SNX29: variants seen among roughly 807,000 people sequenced by gnomAD.
SNX29 encodes the protein sorting nexin 29, also known as sorting nexin-29.
SNX29 carries 78 observed loss-of-function variants against 102.1 expected under a neutral mutation model. That is an observed-to-expected ratio of 0.76 (90% CI 0.64 to 0.92). The LOEUF (loss-of-function observed/expected upper bound fraction) is 0.92. Among genes scored for constraint, SNX29 ranks in the 40% least tolerant of loss-of-function variants. The pLI is 0.00. For synonymous variants in SNX29, 580 were observed against 414.5 expected, an observed-to-expected ratio of 1.40 and a Z score of -4.85; for missense variants, 1,280 against 1,061.7, an observed-to-expected ratio of 1.21 and a Z score of -2.86.
intron 13 of SNX29, among the ~76,000 whole-genome samples, chr16:12,157,524 C>A (rs1316971536): frequency 6.6e-6 from 1 of 152,176 alleles, no homozygotes; most frequent in Non-Finnish European, 1.5e-5. Flanking sequence ...CAGTATTATC[C>A]TTTTACCTCA....
rs1037896724 is a variant in SNX29, at chr16:12,555,539, G to A, written c.2319-12967G>A. 1.1e-4 allele frequency among the ~76,000 whole-genome samples: 17 copies of A among 151,228 alleles called. No homozygotes were observed. In the South Asian group the frequency reaches 2.3e-3, roughly 21 times the overall value. ...GGACAGCGCCCCTGCTCTCTGGGAG[G>A]TCATACCGTGGGTTTGAGCACCCTC... On this transcript the variant is annotated intron_variant, in intron 20 of 20. Coordinates refer to ENST00000566228, the MANE Select transcript of SNX29 (RefSeq NM_032167.5).
At chr16:12,018,960 TG>T (rs1246782731) in intron 3 of SNX29, among the ~76,000 whole-genome samples, 3 of 151,232 alleles carry the variant, frequency 2.0e-5, no homozygotes, top group African/African-American at 7.3e-5. Flanking sequence ...TTTGTAGATC[TG>T]TTTTTTTTTA....
intron 18 of SNX29, among the ~76,000 whole-genome samples, chr16:12,425,320 T>C (rs1268215693): frequency 1.3e-5 from 2 of 148,916 alleles, no homozygotes; most frequent in East Asian, 3.9e-4. Context: ...GTTAAGCAAA[T>C]TGAAACTGTG....
intron 18 of SNX29, among the ~76,000 whole-genome samples, chr16:12,454,468 T>C (rs1223217558): frequency 6.6e-6 from 1 of 152,180 alleles, no homozygotes; most frequent in East Asian, 1.9e-4. Context: ...CCCAGAACTC[T>C]AGAGGTGACA....
At chr16:12,465,656 C>G (rs187819299) in intron 18 of SNX29, among the ~76,000 whole-genome samples, 7 of 152,160 alleles carry the variant, frequency 4.6e-5, no homozygotes, top group Admixed American at 3.9e-4. Context: ...CAGCTTTGTT[C>G]TTTCTCAATA....
chr16:12,162,770 T>C (rs1241103761), intron 13 of SNX29, among the ~76,000 whole-genome samples: 2 of 152,208 alleles, frequency 1.3e-5, no homozygotes, highest in African/African-American at 4.8e-5. Context: ...GTAGTAACTG[T>C]TCCCTGAATG....
At chr16:12,264,454 G>A (rs2078867271) in intron 14 of SNX29, among the ~76,000 whole-genome samples, 1 of 152,194 alleles carries the variant, frequency 6.6e-6, no homozygotes, top group Non-Finnish European at 1.5e-5. Flanking sequence ...AGAATGAATT[G>A]CAGAAGTCAC....
At chr16:12,218,278 G>A (rs935611665) in intron 14 of SNX29, among the ~76,000 whole-genome samples, 2 of 152,048 alleles carry the variant, frequency 1.3e-5, no homozygotes, top group African/African-American at 4.8e-5. Context: ...AATCTCTCCC[G>A]ATGCTACCCT....
At chr16:12,388,838 AGTGTT>A (rs770478117) in intron 16 of SNX29, among the ~76,000 whole-genome samples, 26 of 152,188 alleles carry the variant, frequency 1.7e-4, no homozygotes, top group Non-Finnish European at 3.5e-4. Context: ...ACTTGCACGT[AGTGTT>A]GGTAAGGGAT....
chr16:12,005,204 C>T lies in SNX29; in HGVS notation c.122+2161C>T, dbSNP rs189471114. Among the ~76,000 whole-genome samples, 218 of 152,300 alleles carry T rather than the reference C, an allele frequency of 1.4e-3. No homozygotes were observed. In the Middle Eastern group the frequency reaches 0.017, roughly 12 times the overall value. ...TATATGTTTGTGGCATTAGATCATT[C>T]GACTGATTGATCAATTTAGTCCTTC... On this transcript the variant is annotated intron_variant, in intron 3 of 20. Coordinates refer to ENST00000566228, the MANE Select transcript of SNX29 (RefSeq NM_032167.5).
chr16:12,300,828 C>G (rs2080149006), intron 15 of SNX29, among the ~76,000 whole-genome samples: 2 of 152,158 alleles, frequency 1.3e-5, no homozygotes, highest in Non-Finnish European at 2.9e-5. Context: ...TGTTTAGTGA[C>G]ATTGCCCCAC....
chr16:12,558,747 C>G (rs1278265607), intron 20 of SNX29, among the ~76,000 whole-genome samples: 3 of 152,238 alleles, frequency 2.0e-5, no homozygotes, highest in Non-Finnish European at 4.4e-5. Flanking sequence ...TAGGCTGTCC[C>G]AGGCCCATTG....
intron 20 of SNX29, among the ~76,000 whole-genome samples, chr16:12,539,572 CAA>C (rs995079853): frequency 2.6e-5 from 4 of 152,132 alleles, no homozygotes; most frequent in Admixed American, 1.3e-4. Flanking sequence ...TTTGTGTGAA[CAA>C]AAGTTTTCAT....
At chr16:12,206,589 G>T (rs1245270268) in intron 14 of SNX29, among the ~76,000 whole-genome samples, 1 of 152,140 alleles carries the variant, frequency 6.6e-6, no homozygotes, top group African/African-American at 2.4e-5. Flanking sequence ...TTCTCAGCCA[G>T]GTGTTCTCCT....
At chr16:12,390,800 A>T (rs562079092) in intron 16 of SNX29, among the ~76,000 whole-genome samples, 1 of 152,058 alleles carries the variant, frequency 6.6e-6, no homozygotes, top group East Asian at 1.9e-4. Context: ...AGTAAGGCCC[A>T]GAGAAGTGGA....
chr16:12,518,260 T>C (rs2089951745), intron 19 of SNX29, among the ~76,000 whole-genome samples: 1 of 152,136 alleles, frequency 6.6e-6, no homozygotes, highest in African/African-American at 2.4e-5. Flanking sequence ...GCCTCCCACC[T>C]CCCGTTGGCT....
At chr16:12,174,101 G>T (rs2076209104) in intron 13 of SNX29, among the ~76,000 whole-genome samples, 2 of 152,130 alleles carry the variant, frequency 1.3e-5, no homozygotes, top group Non-Finnish European at 2.9e-5. Flanking sequence ...TCTTATTAGT[G>T]GTTCTGCAGA....
intron 14 of SNX29, among the ~76,000 whole-genome samples, chr16:12,254,292 G>C (rs1046032272): frequency 6.6e-6 from 1 of 152,144 alleles, no homozygotes; most frequent in African/African-American, 2.4e-5. Flanking sequence ...GTGTAGGTGG[G>C]CCAGGACTGA....
At chr16:12,239,569 T>C (rs1412992173) in intron 14 of SNX29, among the ~76,000 whole-genome samples, 2 of 142,380 alleles carry the variant, frequency 1.4e-5, no homozygotes, top group Non-Finnish European at 3.0e-5. Context: ...GGCTCACTCC[T>C]GTAATCCCAG....
Sources: gnomAD v4.1 joint callset for allele counts (sites outside exome capture counted in the v4.1 genomes callset) on GRCh38, gnomAD v4.1.1 for gene constraint, MANE v1.5 for transcripts, NCBI Gene and HGNC (gene_info 2026-07-23, HGNC 2026-07-21) for gene names.